The following HECW1 variants were observed in gnomAD, a reference collection of about 807,000 sequenced individuals.
The protein encoded by HECW1 is HECT, C2 and WW domain containing E3 ubiquitin protein ligase 1.
HECW1 carries 61 observed loss-of-function variants against 182.3 expected under a neutral mutation model. The ratio of observed to expected loss-of-function variants is 0.33; its 90% CI spans 0.27 to 0.41. HECW1 has a LOEUF of 0.41. HECW1 is among the 10% of genes least tolerant of loss of function. HECW1 has a pLI of 1.00. For missense variants in HECW1, 1,739 were observed against 2,108.9 expected, an observed-to-expected ratio of 0.82 and a Z score of 3.44; for synonymous variants, 859 against 832.6, an observed-to-expected ratio of 1.03 and a Z score of -0.55.
In HECW1 at chr7:43,507,200, G is replaced by A. The variant is rs1017979262; in HGVS notation, c.3695G>A (p.Arg1232His). 3.1e-6 allele frequency: 5 copies of A among 1,613,816 alleles called. No individual in the cohort carries two copies. The highest frequency in any genetic ancestry group is 1.3e-5 in the African/African-American group (1 of 74,910). Residue 1232 changes from arginine (R) to histidine (H), a missense_variant, in exon 22 of 30, where the codon CGC becomes CAC. Around this residue, in one of 5 missense-constraint regions of HECW1, gnomAD observed 420 missense variants for 595.7 expected, o/e 0.71. Coordinates refer to ENST00000395891, the MANE Select transcript of HECW1 (RefSeq NM_015052.5). ...CGAAGAGACTTTGAGGCCAAGCTCC[G>A]CAATTTCTACAGAAAACTGGAAGCC... The part of the protein sequence containing the change: ...PYRRDFEAKL[R>H]NFYRKLEAKG...
intron 17 of HECW1, among the ~76,000 whole-genome samples, chr7:43,490,744 T>A (rs893171074): frequency 6.6e-6 from 1 of 152,098 alleles, no homozygotes; most frequent in African/African-American, 2.4e-5. Context: ...TTGAGCTAAG[T>A]TAGTTTTTTT....
At chr7:43,385,531 G>A (rs1473159302) in intron 6 of HECW1, among the ~76,000 whole-genome samples, 1 of 151,806 alleles carries the variant, frequency 6.6e-6, no homozygotes, top group Non-Finnish European at 1.5e-5. Context: ...AAAGCCTGGG[G>A]CAGCTCCTAC....
intron 6 of HECW1, among the ~76,000 whole-genome samples, chr7:43,378,522 C>A (rs373193709): frequency 6.6e-6 from 1 of 152,148 alleles, no homozygotes; most frequent in Non-Finnish European, 1.5e-5. Context: ...TTGGCACTTT[C>A]GGCCAGGCAT....
intron 5 of HECW1, among the ~76,000 whole-genome samples, chr7:43,347,237 T>G (rs999194348): frequency 6.8e-6 from 1 of 146,926 alleles, no homozygotes; most frequent in African/African-American, 2.5e-5. Flanking sequence ...CCTAAGGTTT[T>G]TTAAATTTTT....
chr7:43,160,886 A>T (rs1272687995), intron 2 of HECW1, among the ~76,000 whole-genome samples: 1 of 151,950 alleles, frequency 6.6e-6, no homozygotes, highest in East Asian at 1.9e-4. Flanking sequence ...TGCCTTTTAC[A>T]GTTGTCGTAT....
At chr7:43,317,874 G>A (rs1250784488) in intron 4 of HECW1, among the ~76,000 whole-genome samples, 1 of 147,602 alleles carries the variant, frequency 6.8e-6, no homozygotes, top group Non-Finnish European at 1.5e-5. Context: ...GTCATCCTTT[G>A]CTGATTCTTC....
intron 2 of HECW1, among the ~76,000 whole-genome samples, chr7:43,130,563 C>T (rs572360718): frequency 4.6e-5 from 7 of 152,246 alleles, no homozygotes; most frequent in Admixed American, 3.3e-4. Flanking sequence ...TACACTTATT[C>T]GCACTTCAGT....
intron 3 of HECW1, among the ~76,000 whole-genome samples, chr7:43,267,692 T>C (rs919446520): frequency 6.6e-6 from 1 of 152,066 alleles, no homozygotes; most frequent in African/African-American, 2.4e-5. Context: ...CACTCTGGCA[T>C]AGCTAATTAA....
At position 43,563,387 on chromosome 7, in the gene HECW1, C is replaced by A; in HGVS notation, c.*1461C>A. 4.9e-6 allele frequency: 1 copy of A among 202,270 alleles called. No individual in the cohort carries two copies. Among genetic ancestry groups the A allele is most frequent in the Admixed American group, 6.0e-5 (1 of 16,680 alleles). 12.5% of individuals were successfully genotyped at this position (202,270 alleles called of 1,614,324 possible). A position where few individuals can be genotyped will look rare whatever the true frequency, so the allele number is the denominator to read the frequency against. Reference sequence around the variant, plus strand: ...GTTATCCATGTTGCCTGAAATAGGTCATAAATGAAAGTGTTTTTCTTCACT... The same window carrying A: ...GTTATCCATGTTGCCTGAAATAGGTAATAAATGAAAGTGTTTTTCTTCACT... On this transcript the variant is annotated 3_prime_UTR_variant, in exon 30 of 30. Transcript: ENST00000395891.
chr7:43,335,151 A>C (rs1322146327), intron 5 of HECW1, among the ~76,000 whole-genome samples: 2 of 152,370 alleles, frequency 1.3e-5, no homozygotes, highest in East Asian at 3.9e-4. Context: ...GGGAAAAGGC[A>C]GAAAGAGTTC....
chr7:43,359,826 A>G (rs71540527), intron 5 of HECW1, among the ~76,000 whole-genome samples: 26,585 of 152,238 alleles, frequency 0.17, 3,098 homozygotes, highest in Non-Finnish European at 0.26. Context: ...CAAACAAAAT[A>G]TAAGGGACCA....
chr7:43,274,041 G>A (rs1802768063), intron 3 of HECW1: 1 of 284,572 alleles, frequency 3.5e-6, no homozygotes, highest in African/African-American at 2.2e-5. Flanking sequence ...AGTGGAGACG[G>A]GGTTTTGCCA....
rs34441737 is a variant in HECW1, at chr7:43,547,401, AC to A, written c.4249-3042del. On this transcript the variant is annotated intron_variant, in intron 26 of 29. Coordinates refer to ENST00000395891, the MANE Select transcript of HECW1 (RefSeq NM_015052.5). The stretch of plus-strand genomic sequence containing the variant: ...ATCTCTACTAAAAATACAAAAATTA[AC>A]CAGGTGTGGTGGCACGTGCCTGTAA... 8.7e-3 allele frequency among the ~76,000 whole-genome samples: 1,327 copies of A among 152,064 alleles called. 114 individuals are homozygous for A. The East Asian group carries it at 0.21, about 24-fold the overall frequency.
intron 2 of HECW1, among the ~76,000 whole-genome samples, chr7:43,115,168 TAACGTG>T (rs2152590676): frequency 6.6e-6 from 1 of 152,318 alleles, no homozygotes; most frequent in African/African-American, 2.4e-5. Flanking sequence ...CAAATAATTA[TAACGTG>T]AACCATGCAA....
At chr7:43,393,021 T>C (rs2152835639) in intron 6 of HECW1, among the ~76,000 whole-genome samples, 1 of 152,216 alleles carries the variant, frequency 6.6e-6, no homozygotes, top group Non-Finnish European at 1.5e-5. Flanking sequence ...ACCTCAAAGC[T>C]CTTAATTTAA....
At chr7:43,296,202 T>C (rs1429632963) in intron 3 of HECW1, among the ~76,000 whole-genome samples, 4 of 152,226 alleles carry the variant, frequency 2.6e-5, no homozygotes, top group Non-Finnish European at 5.9e-5. Flanking sequence ...AACTATCTTG[T>C]AAAACGCATG....
At position 43,405,515 on chromosome 7, in the gene HECW1, T is replaced by C. The variant is rs560663008; in HGVS notation, c.632-2047T>C. 7.2e-5 allele frequency among the ~76,000 whole-genome samples: 11 copies of C among 152,292 alleles called. No homozygotes were observed. The South Asian group carries it at 2.1e-3, about 29-fold the overall frequency. On this transcript the variant is annotated intron_variant, in intron 7 of 29. Transcript: ENST00000395891. ...TGCTTCATTCCCCCAGCGTGAACTG[T>C]GACAGCACGTGGAAATGCTGTCTAC...
chr7:43,337,843 G>A (rs553813546), intron 5 of HECW1, among the ~76,000 whole-genome samples: 1 of 152,276 alleles, frequency 6.6e-6, no homozygotes, highest in Admixed American at 6.5e-5. Context: ...CTCACTTGCT[G>A]TGAAGGCTGC....
intron 2 of HECW1, chr7:43,121,912 G>A (rs563129935): frequency 7.2e-5 from 11 of 152,242 alleles, no homozygotes; most frequent in African/African-American, 1.4e-4. Context: ...TTCTTTCTCC[G>A]AATGTGAAAT....
Sources: gnomAD v4.1 joint callset for allele counts (sites outside exome capture counted in the v4.1 genomes callset) on GRCh38, gnomAD v4.1.1 for gene constraint, gnomAD v4.1.1 regional missense constraint, MANE v1.5 for transcripts, NCBI Gene and HGNC (gene_info 2026-07-23, HGNC 2026-07-21) for gene names.